The following CRIPTO variants were observed in gnomAD, a reference collection of about 807,000 sequenced individuals.
The protein encoded by CRIPTO is protein Cripto.
At chr3:46,581,062 C>A in the CRIPTO span, 3 of 1,163,884 alleles carry the variant, frequency 2.6e-6, no homozygotes, top group African/African-American at 1.5e-5. Flanking sequence ...ATAGATATGC[C>A]ACATTTGTGG....
At chr3:46,579,226 G>A in the CRIPTO span, 19 of 1,613,906 alleles carry the variant, frequency 1.2e-5, no homozygotes, top group South Asian at 3.3e-5. Context: ...TGATTTTGTC[G>A]TTAAGGGCTG....
the CRIPTO span, among the ~76,000 whole-genome samples, chr3:46,576,139 C>T: frequency 6.6e-6 from 1 of 152,130 alleles, no homozygotes; most frequent in Non-Finnish European, 1.5e-5. Flanking sequence ...GGGCCTCACT[C>T]CCCCAATACA....
chr3:46,580,149 CTT>C, the CRIPTO span: 1 of 1,562,428 alleles, frequency 6.4e-7, no homozygotes, highest in South Asian at 1.1e-5. Context: ...CCTTGTACCT[CTT>C]GTCTTGCTAG....
At chr3:46,581,360 C>T in the CRIPTO span, 24 of 907,942 alleles carry the variant, frequency 2.6e-5, no homozygotes, top group Non-Finnish European at 4.0e-5. Flanking sequence ...TTTGTAGTTG[C>T]CTTAAAATAA....
the CRIPTO span, among the ~76,000 whole-genome samples, chr3:46,576,349 T>C: frequency 6.6e-6 from 1 of 151,510 alleles, no homozygotes; most frequent in Non-Finnish European, 1.5e-5. Context: ...GCGCCTGTAA[T>C]CCCAGCTACT....
the CRIPTO span, chr3:46,581,660 T>A: frequency 1.9e-6 from 1 of 521,110 alleles, no homozygotes; most frequent in Non-Finnish European, 3.3e-6. Context: ...CAGGCATGTG[T>A]CACCATGCCC....
the CRIPTO span, among the ~76,000 whole-genome samples, chr3:46,578,520 C>A: frequency 6.6e-6 from 1 of 152,178 alleles, no homozygotes; most frequent in Non-Finnish European, 1.5e-5. Flanking sequence ...ACCAGCCTGG[C>A]CAACATGGCA....
chr3:46,581,917 T>G, the CRIPTO span: 1 of 154,882 alleles, frequency 6.5e-6, no homozygotes, highest in Admixed American at 6.4e-5. Context: ...ATGTGGACCT[T>G]AGAATACAGT....
At chr3:46,582,039 G>T in the CRIPTO span, 1 of 152,218 alleles carries the variant, frequency 6.6e-6, no homozygotes, top group Non-Finnish European at 1.5e-5. Context: ...CTGCGTGTGT[G>T]CAGGGAGACT....
the CRIPTO span, chr3:46,580,119 G>A: frequency 3.7e-6 from 6 of 1,611,140 alleles, no homozygotes; most frequent in Non-Finnish European, 5.1e-6. Context: ...GCCTTGGGGG[G>A]TGCTTAGTTA....
the CRIPTO span, chr3:46,577,865 T>C: frequency 4.9e-6 from 6 of 1,234,660 alleles, no homozygotes; most frequent in Non-Finnish European, 7.2e-6. Context: ...CTTCTTAAAT[T>C]GCCATTTTCG....
chr3:46,578,209 T>C, the CRIPTO span, among the ~76,000 whole-genome samples: 1 of 152,244 alleles, frequency 6.6e-6, no homozygotes, highest in African/African-American at 2.4e-5. Context: ...TTCGTGTTAA[T>C]GTTAATTTTC....
chr3:46,576,534 C>T, the CRIPTO span, among the ~76,000 whole-genome samples: 2 of 146,768 alleles, frequency 1.4e-5, no homozygotes, highest in Non-Finnish European at 3.0e-5. Flanking sequence ...AATAACACCT[C>T]TTCCCAGCAC....
chr3:46,581,395 T>TA, the CRIPTO span: 3 of 743,438 alleles, frequency 4.0e-6, no homozygotes, highest in Admixed American at 3.8e-5. Context: ...AAATGGTCTC[T>TA]AACATTTCCT....
chr3:46,579,809 T>G, the CRIPTO span: 825 of 1,613,722 alleles, frequency 5.1e-4, 9 homozygotes, highest in East Asian at 0.016. Context: ...GTGCCTGCCC[T>G]CCCTCCTTCT....
the CRIPTO span, among the ~76,000 whole-genome samples, chr3:46,575,914 C>T: frequency 5.3e-3 from 806 of 152,334 alleles, 4 homozygotes; most frequent in Non-Finnish European, 7.9e-3. Context: ...CTCCTTGCAG[C>T]TCCAGGGCTA....
At chr3:46,575,877 G>A in the CRIPTO span, among the ~76,000 whole-genome samples, 1 of 152,152 alleles carries the variant, frequency 6.6e-6, no homozygotes, top group Non-Finnish European at 1.5e-5. Context: ...CCTTACAAAT[G>A]TACCACACTG....
At chr3:46,579,586 C>A in the CRIPTO span, 1 of 1,155,040 alleles carries the variant, frequency 8.7e-7, no homozygotes, top group Non-Finnish European at 1.3e-6. Context: ...CCCAGAACCA[C>A]CACTGGCCTA....
the CRIPTO span, chr3:46,579,842 T>G: frequency 5.6e-6 from 9 of 1,614,030 alleles, no homozygotes; most frequent in Non-Finnish European, 6.8e-6. Context: ...GTGAGCACGA[T>G]GTGCGCAAAG....
Sources: allele counts gnomAD v4.1 joint callset (sites outside exome capture counted in the v4.1 genomes callset), GRCh38; gene constraint gnomAD v4.1.1; transcripts MANE v1.5; gene names NCBI Gene and HGNC (gene_info 2026-07-23, HGNC 2026-07-21).